SERTM1: variants seen among roughly 807,000 people sequenced by gnomAD.
SERTM1 encodes the protein serine-rich and transmembrane domain-containing protein 1.
Under a neutral mutation model 5.5 loss-of-function variants are expected in SERTM1, and 1 was observed. That is an observed-to-expected ratio of 0.18 (90% CI 0.06 to 0.86). The LOEUF (loss-of-function observed/expected upper bound fraction) is 0.86, where lower values mean the gene tolerates loss of function less well. Among genes scored for constraint, SERTM1 ranks in the 40% least tolerant of loss-of-function variants. The probability of loss-of-function intolerance (pLI) is 0.69; values close to 1 mark genes in which losing one functional copy is unlikely to be tolerated. For synonymous variants in SERTM1, 52 were observed against 55.1 expected (o/e 0.94, Z 0.25); for missense variants, 91 against 122.4 (o/e 0.74, Z 1.21).
intron 1 of SERTM1, among the ~76,000 whole-genome samples, chr13:36,684,308 C>A (rs938819242): frequency 2.6e-4 from 40 of 151,906 alleles, no homozygotes; most frequent in Admixed American, 2.2e-3. Flanking sequence ...AAAAAAAATT[C>A]TCTGAGCTTT....
intron 1 of SERTM1, among the ~76,000 whole-genome samples, chr13:36,681,697 T>C (rs1179588927): frequency 6.6e-6 from 1 of 152,224 alleles, no homozygotes; most frequent in Admixed American, 6.5e-5. Flanking sequence ...TTTCAAAGGA[T>C]GGAATTATCA....
intron 1 of SERTM1, among the ~76,000 whole-genome samples, chr13:36,687,779 AACG>A (rs2056751668): frequency 6.6e-6 from 1 of 152,154 alleles, no homozygotes; most frequent in African/African-American, 2.4e-5. Context: ...CAACAACAAC[AACG>A]TAATAAGACA....
At position 36,695,248 on chromosome 13, in the gene SERTM1, T is replaced by C; in HGVS notation, c.170T>C (p.Leu57Pro). The C allele has an allele frequency of 1.2e-6, 2 of 1,614,218 alleles. No homozygotes were observed. Among genetic ancestry groups the C allele is most frequent in the Non-Finnish European group, 1.7e-6 (2 of 1,180,040 alleles). ...CTCAGCCTTTTAGCGTTTCTGCTTC[T>C]GCTTTTAATCATTGCCCTCCAGAGG... ...IFLSLLAFLL[L>P]LLIIALQRLK... The change falls in exon 2 of 2, where the codon CTG (leucine) becomes CCG (proline). Residue 57 changes from leucine to proline, a missense_variant. Transcript: ENST00000315190.
At position 36,697,561 on chromosome 13, in the gene SERTM1, G is replaced by A. The variant is rs2056824646; in HGVS notation, c.*2159G>A. On this transcript the variant is annotated 3_prime_UTR_variant, in exon 2 of 2. Coordinates refer to ENST00000315190, the MANE Select transcript of SERTM1 (RefSeq NM_203451.3). Reference sequence around the variant, plus strand: ...CAGGGTATCTTTATATCCTTTCCATGTGAAAGAGATATAAAGAATTCTGAC... The same window carrying A: ...CAGGGTATCTTTATATCCTTTCCATATGAAAGAGATATAAAGAATTCTGAC... 6.0e-6 allele frequency: 1 copy of A among 166,534 alleles called. No homozygotes were observed. The highest frequency in any genetic ancestry group is 6.6e-5 in the Admixed American group (1 of 15,216). 10.3% of individuals were successfully genotyped at this position (166,534 alleles called of 1,614,324 possible). A position where few individuals can be genotyped will look rare whatever the true frequency, so the allele number is the denominator to read the frequency against.
chr13:36,684,294 CA>C (rs200629092), intron 1 of SERTM1, among the ~76,000 whole-genome samples: 10,713 of 146,442 alleles, frequency 0.073, 434 homozygotes, highest in East Asian at 0.13. Context: ...GAGACTCTGT[CA>C]AAAAAAAAAA....
intron 1 of SERTM1, among the ~76,000 whole-genome samples, chr13:36,680,847 G>T (rs570859504): frequency 2.3e-4 from 35 of 152,218 alleles, no homozygotes; most frequent in African/African-American, 8.4e-4. Context: ...CCGCCTCCCG[G>T]TTCAAGCGAT....
chr13:36,687,962 CA>C (rs1230193567), intron 1 of SERTM1, among the ~76,000 whole-genome samples: 28 of 145,406 alleles, frequency 1.9e-4, no homozygotes, highest in South Asian at 2.2e-4. Flanking sequence ...GGATTAAAAA[CA>C]AAAAAAAAAG....
intron 1 of SERTM1, among the ~76,000 whole-genome samples, chr13:36,674,583 A>C (rs2056658343): frequency 6.6e-6 from 1 of 152,070 alleles, no homozygotes; most frequent in Non-Finnish European, 1.5e-5. Context: ...ACAGTTCTAC[A>C]CTTTGCAGAG....
At chr13:36,685,881 C>T (rs939758399) in intron 1 of SERTM1, among the ~76,000 whole-genome samples, 4 of 152,152 alleles carry the variant, frequency 2.6e-5, no homozygotes, top group African/African-American at 9.7e-5. Context: ...TACTTTGAAC[C>T]TGGACCACGC....
chr13:36,691,406 T>G (rs1242228131), intron 1 of SERTM1, among the ~76,000 whole-genome samples: 1 of 152,110 alleles, frequency 6.6e-6, no homozygotes, highest in African/African-American at 2.4e-5. Context: ...CCCACCCCAC[T>G]GGGCACATGG....
intron 1 of SERTM1, among the ~76,000 whole-genome samples, chr13:36,676,074 A>G (rs1333074211): frequency 6.6e-6 from 1 of 152,206 alleles, no homozygotes; most frequent in African/African-American, 2.4e-5. Flanking sequence ...GGACAAGCAC[A>G]TCAGGGGTTA....
In SERTM1 at chr13:36,675,929, C is replaced by T. The variant is rs368696643; in HGVS notation, c.-174+1745C>T. ...TTATTTTTGATTCCTCTATATAAGG[C>T]AAAGTGCTTTGAAGAGCTGAACGCA... On this transcript the variant is annotated intron_variant, in intron 1 of 1. Transcript: ENST00000315190. Among the ~76,000 whole-genome samples, 22 of 152,266 alleles carry T rather than the reference C, an allele frequency of 1.4e-4. No homozygotes were observed. The East Asian group carries it at 3.3e-3, about 23-fold the overall frequency.
rs1481381495 is a variant in SERTM1, at chr13:36,696,767, G to GTAAA, written c.*1366_*1369dup. The GTAAA allele has an allele frequency of 6.0e-6, 1 of 167,030 alleles. No homozygotes were observed. Among genetic ancestry groups the GTAAA allele is most frequent in the Non-Finnish European group, 1.5e-5 (1 of 68,110 alleles). 10.3% of individuals were successfully genotyped at this position (167,030 alleles called of 1,614,324 possible). A position where few individuals can be genotyped will look rare whatever the true frequency, so the allele number is the denominator to read the frequency against. On this transcript the variant is annotated 3_prime_UTR_variant, in exon 2 of 2. Transcript: ENST00000315190. ...ATTTTGAAAATAAATGGCCCACAGG[G>GTAAA]TAAACACTGAACTTATTCAACCTAC... is the stretch of plus-strand genomic sequence containing the variant.
In SERTM1 at chr13:36,689,375, G is replaced by T. The variant is rs815065; in HGVS notation, c.-173-5531G>T. ...CAAAAATTAGCGGGGCATGGTGGCA[G>T]GTGCCTGTAATCCCCGCTACTAGGG... On this transcript the variant is annotated intron_variant, in intron 1 of 1. Transcript: ENST00000315190. Among the ~76,000 whole-genome samples the T allele has an allele frequency of 2.8e-3, 430 of 151,866 alleles. 1 individual carries two copies. The highest frequency in any genetic ancestry group is 0.01 in the African/African-American group (419 of 41,430).
At chr13:36,681,385 G>C (rs1350631544) in intron 1 of SERTM1, among the ~76,000 whole-genome samples, 3 of 152,150 alleles carry the variant, frequency 2.0e-5, no homozygotes, top group Admixed American at 6.5e-5. Context: ...ACTTTGAGTA[G>C]CCCAGATCTC....
intron 1 of SERTM1, among the ~76,000 whole-genome samples, chr13:36,687,289 T>A (rs1193707074): frequency 6.6e-6 from 1 of 152,196 alleles, no homozygotes; most frequent in Non-Finnish European, 1.5e-5. Context: ...ATATTTGTGA[T>A]GTTCTAATCC....
intron 1 of SERTM1, among the ~76,000 whole-genome samples, chr13:36,691,992 C>A (rs2056781592): frequency 6.6e-6 from 1 of 152,168 alleles, no homozygotes; most frequent in Non-Finnish European, 1.5e-5. Context: ...AATTAAAATT[C>A]TTTCTAGCAG....
rs1308472788 is a variant in SERTM1, at chr13:36,689,543, A to G, written c.-173-5363A>G. 3.8e-5 allele frequency among the ~76,000 whole-genome samples: 5 copies of G among 130,592 alleles called. No homozygotes were observed. In the South Asian group the frequency reaches 9.8e-4, roughly 26 times the overall value. 85.7% of individuals were successfully genotyped at this position (130,592 alleles called of 152,430 possible). On this transcript the variant is annotated intron_variant, in intron 1 of 1. Coordinates refer to ENST00000315190, the MANE Select transcript of SERTM1 (RefSeq NM_203451.3). Reference sequence around the variant, plus strand: ...TAATAATAATAATAATAATAATAATAATAGTTTTTTTCCCCCAGAAAAACA... The same window carrying G: ...TAATAATAATAATAATAATAATAATGATAGTTTTTTTCCCCCAGAAAAACA...
rs2056811105 is a variant in SERTM1 at position 36,695,981 on chromosome 13, A to G, written c.*579A>G. Reference sequence around the variant, plus strand: ...AAGTAAAAATCACACTTATTGATGAATGTAAGTCATTTGGGAAAGTTTTGG... The same window carrying G: ...AAGTAAAAATCACACTTATTGATGAGTGTAAGTCATTTGGGAAAGTTTTGG... On this transcript the variant is annotated 3_prime_UTR_variant, in exon 2 of 2. Transcript: ENST00000315190. 6.0e-6 allele frequency: 1 copy of G among 167,188 alleles called. No homozygotes were observed. The allele number at this position is 167,188 out of a possible 1,614,324, so 10.4% of individuals were successfully genotyped here. A position where few individuals can be genotyped will look rare whatever the true frequency, so the allele number is the denominator to read the frequency against.
Sources: allele counts gnomAD v4.1 joint callset (sites outside exome capture counted in the v4.1 genomes callset), GRCh38; gene constraint gnomAD v4.1.1; transcripts MANE v1.5; gene names NCBI Gene and HGNC (gene_info 2026-07-23, HGNC 2026-07-21).